Variants in LGR6 observed in about 807,000 individuals in gnomAD.
The protein encoded by LGR6 is leucine-rich repeat-containing G protein-coupled receptor 6.
LGR6 carries 45 observed loss-of-function variants against 69.4 expected under a neutral mutation model. That is an observed-to-expected ratio of 0.65 (90% confidence interval 0.51 to 0.83). The LOEUF (loss-of-function observed/expected upper bound fraction) is 0.83, where lower values mean the gene tolerates loss of function less well. Among genes scored for constraint, LGR6 ranks in the 40% least tolerant of loss-of-function variants. LGR6 has a pLI of 0.00. For synonymous variants in LGR6, 538 were observed against 555.0 expected (o/e 0.97, Z 0.43); for missense variants, 1,108 against 1,246.7 (o/e 0.89, Z 1.68).
At chr1:202,297,021 G>A (rs1004381451) in intron 6 of LGR6, among the ~76,000 whole-genome samples, 1 of 152,148 alleles carries the variant, frequency 6.6e-6, no homozygotes, top group Non-Finnish European at 1.5e-5. Context: ...GAAAATAGCT[G>A]TTGTGCCTTC....
chr1:202,218,231 G>A (rs1276970463), intron 1 of LGR6, among the ~76,000 whole-genome samples: 2 of 152,202 alleles, frequency 1.3e-5, no homozygotes, highest in Non-Finnish European at 2.9e-5. Flanking sequence ...CAAATTGAAG[G>A]AGTGTAGGTA....
intron 4 of LGR6, among the ~76,000 whole-genome samples, chr1:202,246,087 A>T (rs1662650623): frequency 2.1e-5 from 2 of 93,094 alleles, no homozygotes. Flanking sequence ...CCATTCATCC[A>T]TCCCCCATCC....
intron 3 of LGR6, among the ~76,000 whole-genome samples, chr1:202,232,316 T>C (rs1661151913): frequency 6.6e-6 from 1 of 152,188 alleles, no homozygotes; most frequent in South Asian, 2.1e-4. Context: ...GTGACACTCA[T>C]GGTTCCTGCC....
intron 4 of LGR6, among the ~76,000 whole-genome samples, chr1:202,237,652 T>C (rs1661695924): frequency 6.6e-6 from 1 of 152,238 alleles, no homozygotes; most frequent in Admixed American, 6.5e-5. Flanking sequence ...TGGGCAGCCC[T>C]TGTGGCTGGG....
At chr1:202,293,380 C>G (rs1478168502) in intron 6 of LGR6, among the ~76,000 whole-genome samples, 4 of 152,228 alleles carry the variant, frequency 2.6e-5, no homozygotes, top group Admixed American at 2.0e-4. Flanking sequence ...ATGAAGCCCT[C>G]ATGGTCTTTC....
chr1:202,237,135 G>A (rs537366708), intron 4 of LGR6, among the ~76,000 whole-genome samples: 10 of 152,240 alleles, frequency 6.6e-5, no homozygotes, highest in Non-Finnish European at 1.0e-4. Context: ...CTGCTCGATC[G>A]ATCGGCCCCA....
chr1:202,216,118 A>G (rs1659764758), intron 1 of LGR6, among the ~76,000 whole-genome samples: 1 of 152,222 alleles, frequency 6.6e-6, no homozygotes, highest in South Asian at 2.1e-4. Flanking sequence ...TAGGTGCTCA[A>G]TAAATGTTGA....
At chr1:202,293,163 A>C (rs1032460930) in intron 6 of LGR6, among the ~76,000 whole-genome samples, 8 of 152,230 alleles carry the variant, frequency 5.3e-5, no homozygotes, top group Non-Finnish European at 1.0e-4. Flanking sequence ...CAGGGACAGC[A>C]GATAAGAAGT....
At chr1:202,285,260 C>T (rs1666311918) in intron 6 of LGR6, among the ~76,000 whole-genome samples, 1 of 152,342 alleles carries the variant, frequency 6.6e-6, no homozygotes, top group East Asian at 1.9e-4. Flanking sequence ...CTGGCTCTGA[C>T]TTGGTTCTGA....
intron 1 of LGR6, among the ~76,000 whole-genome samples, chr1:202,213,876 G>A (rs1306878798): frequency 6.6e-6 from 1 of 152,190 alleles, no homozygotes; most frequent in South Asian, 2.1e-4. Context: ...ATAAGGGCAG[G>A]CAGAGAACTC....
At chr1:202,252,728 G>A (rs911410079) in intron 4 of LGR6, among the ~76,000 whole-genome samples, 1 of 152,260 alleles carries the variant, frequency 6.6e-6, no homozygotes, top group South Asian at 2.1e-4. Flanking sequence ...GTAGCCTTTT[G>A]GCAGGTGTGA....
intron 3 of LGR6, among the ~76,000 whole-genome samples, chr1:202,228,851 C>A (rs1386556545): frequency 6.6e-6 from 1 of 152,112 alleles, no homozygotes; most frequent in Non-Finnish European, 1.5e-5. Context: ...GATGCTGGAG[C>A]AACAGAATGA....
At position 202,268,906 on chromosome 1, in the gene LGR6, T is replaced by TTTTG. The variant is rs895670510; in HGVS notation, c.429-7388_429-7385dup. ...AGTGTTCTATTGCCATCTTGAAGTT[T>TTTTG]TTTGTTTGTTTGTTTTGGAAATAGG... is the stretch of plus-strand genomic sequence containing the variant. On this transcript the variant is annotated intron_variant, in intron 4 of 17. Transcript: ENST00000367278. The surrounding 1 kb of genome is among the most constrained non-coding windows in gnomAD (Gnocchi z 4.4). 1.1e-4 allele frequency among the ~76,000 whole-genome samples: 16 copies of TTTTG among 152,018 alleles called. No individual in the cohort carries two copies. Among genetic ancestry groups the TTTTG allele is most frequent in the Non-Finnish European group, 2.4e-4 (16 of 67,994 alleles).
chr1:202,208,196 G>C (rs565896153), intron 1 of LGR6, among the ~76,000 whole-genome samples: 1 of 152,144 alleles, frequency 6.6e-6, no homozygotes, highest in African/African-American at 2.4e-5. Context: ...TGGAACTTTA[G>C]GTTTGTTCTC....
At chr1:202,222,829 G>A (rs952204828) in intron 1 of LGR6, among the ~76,000 whole-genome samples, 5 of 152,208 alleles carry the variant, frequency 3.3e-5, no homozygotes, top group East Asian at 3.8e-4. Flanking sequence ...CAGGCTGGGC[G>A]CAGTGGCTCT....
chr1:202,270,680 C>T (rs1192113215), intron 4 of LGR6, among the ~76,000 whole-genome samples: 2 of 152,226 alleles, frequency 1.3e-5, no homozygotes, highest in Non-Finnish European at 2.9e-5. Flanking sequence ...TCTTAGTGTA[C>T]GCTATTGTCC....
intron 1 of LGR6, among the ~76,000 whole-genome samples, chr1:202,200,155 G>A (rs1658790344): frequency 6.6e-6 from 1 of 152,210 alleles, no homozygotes; most frequent in Admixed American, 6.5e-5. Flanking sequence ...TCCTGGGCCG[G>A]GATGGTGGAG....
chr1:202,251,078 A>T (rs1031737376), intron 4 of LGR6, among the ~76,000 whole-genome samples: 2 of 152,174 alleles, frequency 1.3e-5, no homozygotes. Flanking sequence ...GGGGAGTAAA[A>T]GCAGGAAAGC....
intron 4 of LGR6, among the ~76,000 whole-genome samples, chr1:202,249,236 A>G (rs1358397415): frequency 6.6e-6 from 1 of 152,156 alleles, no homozygotes; most frequent in Non-Finnish European, 1.5e-5. Flanking sequence ...ATTTGATTGC[A>G]TAGGAGCATG....
Sources: gnomAD v4.1 joint callset for allele counts (sites outside exome capture counted in the v4.1 genomes callset) on GRCh38, gnomAD v4.1.1 for gene constraint, Gnocchi (gnomAD v3.1) non-coding constraint, MANE v1.5 for transcripts, NCBI Gene and HGNC (gene_info 2026-07-23, HGNC 2026-07-21) for gene names.